Variants in THSD4 observed in about 807,000 individuals in gnomAD.
THSD4 encodes thrombospondin type-1 domain-containing protein 4.
THSD4 carries 69 observed loss-of-function variants against 119.0 expected under a neutral mutation model. The observed-to-expected ratio is 0.58, with a 90% CI of 0.48 to 0.71. THSD4 has a LOEUF of 0.71. Among genes scored for constraint, THSD4 ranks in the 30% least tolerant of loss-of-function variants. THSD4 has a pLI of 0.00. For missense variants in THSD4, 1,393 were observed against 1,391.1 expected (o/e 1.00, Z -0.02); for synonymous variants, 524 against 540.4 (o/e 0.97, Z 0.42).
rs36055990 is a variant in THSD4 at position 71,576,106 on chromosome 15, G to GA, written c.1153-84411dup. Among the ~76,000 whole-genome samples, 225 of 149,062 alleles carry GA rather than the reference G, an allele frequency of 1.5e-3. 1 individual carries two copies. The highest frequency in any genetic ancestry group is 4.9e-3 in the Admixed American group (74 of 15,050). ...GAGTTAGATAGTAGTCTTTTTTGTGGAAAAAAAAAAAAATTGTTCTCACTT... is the reference window on the plus strand; with the variant it reads ...GAGTTAGATAGTAGTCTTTTTTGTGGAAAAAAAAAAAAAATTGTTCTCACTT... On this transcript the variant is annotated intron_variant, in intron 7 of 17. Transcript: ENST00000261862.
chr15:71,493,919 G>A (rs2047966577), intron 7 of THSD4, among the ~76,000 whole-genome samples: 1 of 152,194 alleles, frequency 6.6e-6, no homozygotes, highest in Non-Finnish European at 1.5e-5. Flanking sequence ...CGCTGCATGT[G>A]AACCCTGTCC....
At chr15:71,498,685 G>T (rs1383285738) in intron 7 of THSD4, among the ~76,000 whole-genome samples, 2 of 151,862 alleles carry the variant, frequency 1.3e-5, no homozygotes, top group Non-Finnish European at 1.5e-5. Context: ...CGGCAACCAA[G>T]TTAATCTTTT....
At chr15:71,648,624 T>C (rs540281919) in intron 7 of THSD4, among the ~76,000 whole-genome samples, 6 of 152,260 alleles carry the variant, frequency 3.9e-5, no homozygotes, top group East Asian at 1.9e-4. Context: ...GAAATGCAAA[T>C]AGATTGTGAC....
At chr15:71,739,482 T>G (rs1240318937) in intron 11 of THSD4, among the ~76,000 whole-genome samples, 2 of 152,204 alleles carry the variant, frequency 1.3e-5, no homozygotes, top group African/African-American at 2.4e-5. Flanking sequence ...GGGTCCCGTT[T>G]CCTTGAAAAC....
At chr15:71,331,121 G>A (rs1486181053) in intron 6 of THSD4, among the ~76,000 whole-genome samples, 4 of 152,214 alleles carry the variant, frequency 2.6e-5, no homozygotes, top group African/African-American at 7.2e-5. Context: ...CAGCCATTTG[G>A]ACAGTGTTGA....
intron 8 of THSD4, among the ~76,000 whole-genome samples, chr15:71,683,022 A>G (rs1168149322): frequency 2.0e-5 from 3 of 149,736 alleles, no homozygotes; most frequent in African/African-American, 7.4e-5. Flanking sequence ...CCTGGGCTCA[A>G]GAGATCCTCC....
chr15:71,242,470 G>T (rs2044161059), intron 4 of THSD4, among the ~76,000 whole-genome samples, 179 bp from the exon 5 acceptor site: 7 of 152,118 alleles, frequency 4.6e-5, no homozygotes, highest in Admixed American at 3.9e-4. Flanking sequence ...TGGAGCCTCT[G>T]TTCCAGCCTC....
intron 7 of THSD4, among the ~76,000 whole-genome samples, chr15:71,600,738 TTCTTTC>T (rs2049992059): frequency 6.8e-6 from 1 of 147,168 alleles, no homozygotes. Context: ...GTCTTTTTTT[TTCTTTC>T]TTTCTTTTTT....
chr15:71,652,804 C>T (rs866321835), intron 7 of THSD4, among the ~76,000 whole-genome samples: 6 of 152,126 alleles, frequency 3.9e-5, no homozygotes, highest in African/African-American at 1.2e-4. Flanking sequence ...AAAACCAGAT[C>T]GCTCGTTTTA....
At chr15:71,583,221 T>A (rs1328470970) in intron 7 of THSD4, among the ~76,000 whole-genome samples, 2 of 152,160 alleles carry the variant, frequency 1.3e-5, no homozygotes, top group Non-Finnish European at 2.9e-5. Context: ...TTTATAGTAG[T>A]CTCTTAGGAT....
At chr15:71,517,559 A>T (rs937896982) in intron 7 of THSD4, among the ~76,000 whole-genome samples, 3 of 152,152 alleles carry the variant, frequency 2.0e-5, no homozygotes, top group Non-Finnish European at 4.4e-5. Flanking sequence ...GGACATTCTC[A>T]TTTGTAATGT....
intron 6 of THSD4, among the ~76,000 whole-genome samples, chr15:71,338,865 G>A (rs1041586271): frequency 1.3e-5 from 2 of 152,152 alleles, no homozygotes; most frequent in African/African-American, 4.8e-5. Context: ...CCAGAACTGA[G>A]GTCAGGGTCT....
chr15:71,426,523 G>A (rs1173765053), intron 7 of THSD4, among the ~76,000 whole-genome samples: 1 of 151,908 alleles, frequency 6.6e-6, no homozygotes, highest in African/African-American at 2.4e-5. Flanking sequence ...TTTTTTACTG[G>A]CTTCACTTTG....
At chr15:71,113,622 T>C (rs2040324001), upstream of THSD4, 1 of 152,244 alleles carries the variant, frequency 6.6e-6, no homozygotes, top group Non-Finnish European at 1.5e-5. Flanking sequence ...TAAATACTTC[T>C]GCATTTACCT....
intron 7 of THSD4, among the ~76,000 whole-genome samples, chr15:71,558,563 G>A (rs909140047): frequency 1.3e-5 from 2 of 152,108 alleles, no homozygotes; most frequent in East Asian, 3.9e-4. Flanking sequence ...CAACCTCCTG[G>A]GCTGAAGTGA....
chr15:71,345,203 TGGG>T (rs1214843650), intron 6 of THSD4, among the ~76,000 whole-genome samples: 1 of 9,582 alleles, frequency 1.0e-4, no homozygotes, highest in Admixed American at 1.4e-3. Context: ...GGCGGGGGGT[TGGG>T]GGGGTGGGTA....
intron 16 of THSD4, among the ~76,000 whole-genome samples, chr15:71,769,966 G>C (rs1403779855): frequency 1.1e-5 from 1 of 87,428 alleles, no homozygotes; most frequent in Non-Finnish European, 2.1e-5. Context: ...ACTTTCCCAG[G>C]CCAGCTGTGG....
At chr15:71,218,728 G>A (rs141684809) in intron 4 of THSD4, among the ~76,000 whole-genome samples, 10 of 152,306 alleles carry the variant, frequency 6.6e-5, no homozygotes, top group African/African-American at 2.4e-4. Flanking sequence ...AGAAATGTCA[G>A]CATATTTTCA....
chr15:71,139,181 C>T (rs28552655), intron 1 of THSD4, among the ~76,000 whole-genome samples: 5,262 of 152,192 alleles, frequency 0.035, 305 homozygotes, highest in African/African-American at 0.12. Context: ...CCCTCTACAG[C>T]GATTCTGCTA....
Sources: allele counts gnomAD v4.1 joint callset (sites outside exome capture counted in the v4.1 genomes callset), GRCh38; gene constraint gnomAD v4.1.1; transcripts MANE v1.5; gene names NCBI Gene and HGNC (gene_info 2026-07-23, HGNC 2026-07-21).